The following EBF2 variants were observed in gnomAD, a reference collection of about 807,000 sequenced individuals.
EBF2 encodes the protein EBF transcription factor 2.
Under a neutral mutation model 72.8 loss-of-function variants are expected in EBF2, and 21 were observed. The observed-to-expected ratio is 0.29, with a 90% CI of 0.20 to 0.42. The LOEUF is 0.42. Ranked by LOEUF, EBF2 falls within the 10% of genes least tolerant of loss-of-function variation. The pLI, the probability that EBF2 is intolerant of heterozygous loss-of-function variation, is 1.00. For synonymous variants in EBF2, 299 were observed against 274.2 expected (o/e 1.09, Z -0.89); for missense variants, 637 against 731.2 (o/e 0.87, Z 1.49).
chr8:25,938,944 C>G (rs959153711), intron 6 of EBF2, among the ~76,000 whole-genome samples: 1 of 152,112 alleles, frequency 6.6e-6, no homozygotes, highest in Non-Finnish European at 1.5e-5. Context: ...GACTGTTGCT[C>G]TTCTTCCTCT....
chr8:25,878,249 A>T, intron 10 of EBF2, among the ~76,000 whole-genome samples: 1 of 152,124 alleles, frequency 6.6e-6, no homozygotes, highest in Non-Finnish European at 1.5e-5. Context: ...CCACCTTGCC[A>T]TTGGAGGTGA....
At chr8:25,847,768 T>C (rs1340248315) in intron 15 of EBF2, among the ~76,000 whole-genome samples, 1 of 152,172 alleles carries the variant, frequency 6.6e-6, no homozygotes, top group Non-Finnish European at 1.5e-5. Flanking sequence ...TAATACTCTT[T>C]AAGGATTTCT....
intron 6 of EBF2, among the ~76,000 whole-genome samples, chr8:25,917,769 C>T (rs1210491291): frequency 6.6e-6 from 1 of 152,138 alleles, no homozygotes; most frequent in Non-Finnish European, 1.5e-5. Flanking sequence ...CCCTCCCCCT[C>T]CCATTCTCTG....
At chr8:25,880,700 C>T (rs1802592274) in intron 10 of EBF2, among the ~76,000 whole-genome samples, 1 of 152,084 alleles carries the variant, frequency 6.6e-6, no homozygotes, top group Non-Finnish European at 1.5e-5. Context: ...TTTTCAAAAT[C>T]CTCTTTTAGC....
intron 6 of EBF2, among the ~76,000 whole-genome samples, chr8:25,916,232 G>C (rs1366192428): frequency 6.8e-6 from 1 of 146,692 alleles, no homozygotes; most frequent in East Asian, 2.0e-4. Flanking sequence ...TTTGTAGTGA[G>C]CCAAGATTGT....
intron 5 of EBF2, among the ~76,000 whole-genome samples, chr8:26,038,936 A>ATTTGGGT (rs1386328413): frequency 6.6e-6 from 1 of 152,250 alleles, no homozygotes; most frequent in Non-Finnish European, 1.5e-5. Flanking sequence ...GCAATTACCC[A>ATTTGGGT]AAGCTAGTAA....
chr8:25,865,844 T>C (rs991546445), intron 10 of EBF2, among the ~76,000 whole-genome samples: 2 of 151,642 alleles, frequency 1.3e-5, no homozygotes, highest in Non-Finnish European at 2.9e-5. Context: ...GCTAACACGG[T>C]GAAACCCCAT....
intron 10 of EBF2, among the ~76,000 whole-genome samples, chr8:25,866,174 A>G (rs1802311405): frequency 6.6e-6 from 1 of 151,884 alleles, no homozygotes; most frequent in Non-Finnish European, 1.5e-5. Flanking sequence ...AGATGCATTA[A>G]TCCCATTTAG....
intron 6 of EBF2, among the ~76,000 whole-genome samples, chr8:25,999,427 T>C (rs188698749): frequency 3.9e-5 from 6 of 152,314 alleles, no homozygotes; most frequent in African/African-American, 1.4e-4. Context: ...TAATGTAGCA[T>C]GTCTCATGAA....
At chr8:25,994,909 C>T (rs1804599721) in intron 6 of EBF2, among the ~76,000 whole-genome samples, 1 of 152,188 alleles carries the variant, frequency 6.6e-6, no homozygotes, top group South Asian at 2.1e-4. Context: ...TGTGCACATG[C>T]ACCCTCTGAA....
At chr8:25,926,581 T>C (rs1803391475) in intron 6 of EBF2, among the ~76,000 whole-genome samples, 1 of 150,566 alleles carries the variant, frequency 6.6e-6, no homozygotes, top group African/African-American at 2.5e-5. Flanking sequence ...ACTGAGGGTG[T>C]CCATTTAGTC....
In EBF2 at chr8:25,848,933, C is replaced by A. The variant is rs151224318; in HGVS notation, c.1696+1661G>T. Among the ~76,000 whole-genome samples the A allele has an allele frequency of 3.5e-3, 538 of 152,252 alleles. 2 individuals carry two copies. Among genetic ancestry groups the A allele is most frequent in the Non-Finnish European group, 4.8e-3 (326 of 68,020 alleles). On this transcript the variant is annotated intron_variant, in intron 15 of 15. Transcript: ENST00000520164. ...GTCATGGGGAAGAGGAAGGAAAGTACGGTAAATATTCAGCAATCGTTTTCA... is the reference window on the plus strand; with the variant it reads ...GTCATGGGGAAGAGGAAGGAAAGTAAGGTAAATATTCAGCAATCGTTTTCA...
intron 14 of EBF2, among the ~76,000 whole-genome samples, chr8:25,852,754 G>A (rs2117250765): frequency 6.6e-6 from 1 of 152,262 alleles, no homozygotes; most frequent in Middle Eastern, 3.4e-3. Context: ...GCATTCAACT[G>A]AATTTAAAAT....
intron 6 of EBF2, among the ~76,000 whole-genome samples, chr8:25,935,877 G>A (rs945058759): frequency 3.9e-5 from 6 of 152,240 alleles, no homozygotes; most frequent in Admixed American, 3.3e-4. Flanking sequence ...CACTAACCCT[G>A]TTTGTGTGGC....
intron 13 of EBF2, among the ~76,000 whole-genome samples, 194 bp from the exon 14 acceptor site, chr8:25,858,698 C>T (rs185494393): frequency 6.3e-4 from 79 of 125,656 alleles, no homozygotes; most frequent in East Asian, 1.5e-3. Flanking sequence ...CTTACTCTGT[C>T]GCTCAGGCTG....
intron 6 of EBF2, among the ~76,000 whole-genome samples, chr8:25,999,975 A>G (rs1804697378): frequency 1.3e-5 from 2 of 152,044 alleles, no homozygotes; most frequent in South Asian, 4.1e-4. Context: ...AGCACTAGCA[A>G]CTCAAAAACA....
chr8:26,021,043 A>G (rs1805196520), intron 6 of EBF2, among the ~76,000 whole-genome samples: 1 of 152,184 alleles, frequency 6.6e-6, no homozygotes, highest in African/African-American at 2.4e-5. Flanking sequence ...GGAGAAGGAG[A>G]CTTGGAGAAT....
chr8:26,002,247 G>T (rs1350848781), intron 6 of EBF2, among the ~76,000 whole-genome samples: 2 of 152,168 alleles, frequency 1.3e-5, no homozygotes, highest in African/African-American at 2.4e-5. Context: ...GGTGAGGGAT[G>T]ACTGTGAGGA....
chr8:26,044,676 G>T lies in EBF2; in HGVS notation c.131+53C>A. ...TGCGCGGGGGGGGTGCACACGGAGA[G>T]ACAGACCGTAAGAGCGAGAGACAGC... On this transcript the variant is annotated intron_variant, in intron 1 of 15. Coordinates refer to ENST00000520164, the MANE Select transcript of EBF2 (RefSeq NM_022659.4). The surrounding 1 kb of genome is among the most constrained non-coding windows in gnomAD (Gnocchi z 4.1). 6.3e-7 allele frequency: 1 copy of T among 1,592,430 alleles called. No homozygotes were observed.
Sources: allele counts gnomAD v4.1 joint callset (sites outside exome capture counted in the v4.1 genomes callset), GRCh38; gene constraint gnomAD v4.1.1; non-coding constraint Gnocchi (gnomAD v3.1); transcripts MANE v1.5; gene names NCBI Gene and HGNC (gene_info 2026-07-23, HGNC 2026-07-21).